DOT1L: variants seen among roughly 807,000 people sequenced by gnomAD.
The protein encoded by DOT1L is histone-lysine N-methyltransferase, H3 lysine-79 specific.
DOT1L carries 33 observed loss-of-function variants against 153.3 expected under a neutral mutation model. The observed-to-expected ratio is 0.22, with a 90% CI of 0.16 to 0.29. DOT1L has a LOEUF of 0.29. Among genes scored for constraint, DOT1L ranks in the 10% least tolerant of loss-of-function variants. The probability of loss-of-function intolerance (pLI) is 1.00; values close to 1 mark genes in which losing one functional copy is unlikely to be tolerated. For missense variants in DOT1L, 1,847 were observed against 2,119.9 expected (o/e 0.87, Z 2.53); for synonymous variants, 1,135 against 965.1 (o/e 1.18, Z -3.26).
chr19:2,220,473 A>G lies in DOT1L; in HGVS notation c.2806+251A>G. 1.6e-6 allele frequency: 1 copy of G among 608,074 alleles called. No homozygotes were observed. Among genetic ancestry groups the G allele is most frequent in the East Asian group, 3.4e-5 (1 of 29,460 alleles). 37.7% of individuals were successfully genotyped at this position (608,074 alleles called of 1,614,324 possible). On this transcript the variant is annotated intron_variant, in intron 23 of 27. Transcript: ENST00000398665. The surrounding 1 kb of genome is among the most constrained non-coding windows in gnomAD (Gnocchi z 4.5). ...ACACTGACACCTCCTGCTTGGGTGT[A>G]TTAATTCAGCCCGTGAGGTCGGCCC...
At chr19:2,177,277 G>A (rs2021990944) in intron 1 of DOT1L, among the ~76,000 whole-genome samples, 1 of 152,132 alleles carries the variant, frequency 6.6e-6, no homozygotes, top group African/African-American at 2.4e-5. Flanking sequence ...CCCCACACAC[G>A]CAGTCAAATC....
At chr19:2,194,887 G>C (rs910349922) in intron 7 of DOT1L, among the ~76,000 whole-genome samples, 11 of 152,202 alleles carry the variant, frequency 7.2e-5, no homozygotes, top group Admixed American at 7.2e-4. Context: ...GGACAGGCTG[G>C]GTTCTGGGCT....
chr19:2,179,073 T>TGG (rs113826556), intron 1 of DOT1L, among the ~76,000 whole-genome samples: 3 of 150,070 alleles, frequency 2.0e-5, no homozygotes, highest in Admixed American at 6.6e-5. Context: ...TAAGGAAAGC[T>TGG]GGGGGGGGGT....
At chr19:2,177,561 C>T (rs368507146) in intron 1 of DOT1L, among the ~76,000 whole-genome samples, 1 of 152,040 alleles carries the variant, frequency 6.6e-6, no homozygotes, top group South Asian at 2.1e-4. Flanking sequence ...TATTAGTATT[C>T]GCCACGTTGG....
intron 1 of DOT1L, among the ~76,000 whole-genome samples, chr19:2,170,489 C>T (rs766400930): frequency 6.6e-6 from 1 of 152,130 alleles, no homozygotes; most frequent in African/African-American, 2.4e-5. Flanking sequence ...GAACCAGATA[C>T]GGGTACCCGG....
rs984299775 is a variant in DOT1L at position 2,207,290 on chromosome 19, C to T, written c.857-284C>T. Among the ~76,000 whole-genome samples the T allele has an allele frequency of 2.0e-5, 3 of 152,182 alleles. No homozygotes were observed. The highest frequency in any genetic ancestry group is 2.9e-5 in the Non-Finnish European group (2 of 68,020). Reference sequence around the variant, plus strand: ...GCTGGATGCTGGCCGTTCTTGCAGCCGTGATCTAAGTCGCTTCCAGATCTT... The same window carrying T: ...GCTGGATGCTGGCCGTTCTTGCAGCTGTGATCTAAGTCGCTTCCAGATCTT... On this transcript the variant is annotated intron_variant, in intron 10 of 27. Transcript: ENST00000398665. The surrounding 1 kb of genome is among the most constrained non-coding windows in gnomAD (Gnocchi z 4.5).
chr19:2,167,250 T>C (rs2019958018), intron 1 of DOT1L, among the ~76,000 whole-genome samples: 1 of 152,204 alleles, frequency 6.6e-6, no homozygotes, highest in Non-Finnish European at 1.5e-5. Context: ...CTGTTTAACA[T>C]CTGCATCCCA....
intron 1 of DOT1L, among the ~76,000 whole-genome samples, chr19:2,178,521 C>A (rs1371546833): frequency 1.3e-5 from 2 of 151,550 alleles, no homozygotes; most frequent in Admixed American, 1.3e-4. Context: ...GGGTTCACGC[C>A]ATTCTCCTGC....
chr19:2,166,861 C>T (rs1022512101), intron 1 of DOT1L, among the ~76,000 whole-genome samples: 1 of 152,204 alleles, frequency 6.6e-6, no homozygotes, highest in Non-Finnish European at 1.5e-5. Context: ...TTCCCTGCGG[C>T]GCCCCCATCC....
At position 2,223,301 on chromosome 19, in the gene DOT1L, C is replaced by A. The variant is rs747814338; in HGVS notation, c.3411C>A (p.Pro1137=). 1.2e-6 allele frequency: 2 copies of A among 1,613,594 alleles called. No homozygotes were observed. The highest frequency in any genetic ancestry group is 2.2e-5 in the South Asian group (2 of 91,052). Residue 1137 remains proline, a synonymous_variant, in exon 25 of 28, where the codon CCC becomes CCA. Coordinates refer to ENST00000398665, the MANE Select transcript of DOT1L (RefSeq NM_032482.3). ...CTCAGGTCAGTAACATCAACCAGCC[C>A]CTGGAGATTACAGCCATCTCGTCCC... The part of the protein sequence containing the change: ...LNSMVSNINQ[P]LEITAISSPE...
rs964754910 is a variant in DOT1L, at chr19:2,197,402, G to A, written c.652-2482G>A. 2.6e-5 allele frequency among the ~76,000 whole-genome samples: 4 copies of A among 152,228 alleles called. No individual in the cohort carries two copies. The highest frequency in any genetic ancestry group is 4.8e-5 in the African/African-American group (2 of 41,456). ...ATGGAAGCCCTCGCCATGGTTCCCA[G>A]CGATGGCCAGGAGGGCGCCATGGTG... is the stretch of plus-strand genomic sequence containing the variant. On this transcript the variant is annotated intron_variant, in intron 7 of 27. Transcript: ENST00000398665. This position sits in a 1 kb window ranked among gnomAD's most constrained non-coding sequence, Gnocchi z 4.1.
intron 7 of DOT1L, among the ~76,000 whole-genome samples, chr19:2,199,037 T>C (rs2023137486): frequency 6.6e-6 from 1 of 152,264 alleles, no homozygotes; most frequent in Non-Finnish European, 1.5e-5. Context: ...TGTCCGGGCT[T>C]TTGTGTGGAC....
Position 2,231,900 on chromosome 19 carries a change from G to A in DOT1L, c.*2108G>A. 4.6e-6 allele frequency: 1 copy of A among 219,666 alleles called. No individual in the cohort carries two copies. The highest frequency in any genetic ancestry group is 5.8e-5 in the Admixed American group (1 of 17,292). The allele number at this position is 219,666 out of a possible 1,614,324, so 13.6% of individuals were successfully genotyped here. A position where few individuals can be genotyped will look rare whatever the true frequency, so the allele number is the denominator to read the frequency against. On this transcript the variant is annotated 3_prime_UTR_variant, in exon 28 of 28. Transcript: ENST00000398665. ...TTCAGGACACGCACTGGGTCTCAGA[G>A]CCACTGGCCCAGGCAGAAGTCTCCT...
At chr19:2,165,730 G>A (rs998212133) in intron 1 of DOT1L, among the ~76,000 whole-genome samples, 2 of 152,192 alleles carry the variant, frequency 1.3e-5, no homozygotes, top group Middle Eastern at 3.4e-3. Flanking sequence ...AATTGAGGTG[G>A]CTTACCACCG....
At position 2,191,008 on chromosome 19, in the gene DOT1L, G is replaced by A. The variant is rs377682303; in HGVS notation, c.265-4G>A. On this transcript the variant is annotated splice_region_variant and splice_polypyrimidine_tract_variant and intron_variant, in intron 4 of 27. Transcript: ENST00000398665. The surrounding 1 kb of genome is among the most constrained non-coding windows in gnomAD (Gnocchi z 6.8). ...GACATGGCCGGGCCACCCTCCGTCC[G>A]CAGTGGAAGGGCACCACGCAGCCCA... The A allele has an allele frequency of 1.5e-4, 241 of 1,593,174 alleles. No homozygotes were observed. In the African/African-American group the frequency reaches 2.2e-3, roughly 15 times the overall value.
chr19:2,172,932 G>A (rs949752148), intron 1 of DOT1L, among the ~76,000 whole-genome samples: 3 of 151,272 alleles, frequency 2.0e-5, no homozygotes, highest in Admixed American at 1.3e-4. Context: ...AGCTGAGATC[G>A]TGCCACTGCA....
rs762422597 is a variant in DOT1L, at chr19:2,191,545, C to G, written c.493+305C>G. ...AGCTGGGGAGCTAGACCTGTGCACC[C>G]TCTACTGCTCGCTCCCAGAAGCTGC... is the stretch of plus-strand genomic sequence containing the variant. On this transcript the variant is annotated intron_variant, in intron 5 of 27. Transcript: ENST00000398665. This position sits in a 1 kb window ranked among gnomAD's most constrained non-coding sequence, Gnocchi z 6.8. Among the ~76,000 whole-genome samples the G allele has an allele frequency of 6.6e-6, 1 of 152,062 alleles. No homozygotes were observed. Among genetic ancestry groups the G allele is most frequent in the Admixed American group, 6.6e-5 (1 of 15,252 alleles).
intron 13 of DOT1L, 39 bp downstream of exon 13, chr19:2,210,549 C>A: frequency 6.3e-7 from 1 of 1,588,726 alleles, no homozygotes; most frequent in South Asian, 1.1e-5. Context: ...GGAGGGCACC[C>A]GCCCCCTGCC....
chr19:2,228,113 T>C (rs779922448), intron 27 of DOT1L: 2 of 1,359,790 alleles, frequency 1.5e-6, no homozygotes, highest in East Asian at 9.2e-5. Flanking sequence ...CCCCCACCTC[T>C]GCTGCCTCTC....
Sources: allele counts gnomAD v4.1 joint callset (sites outside exome capture counted in the v4.1 genomes callset), GRCh38; gene constraint gnomAD v4.1.1; non-coding constraint Gnocchi (gnomAD v3.1); transcripts MANE v1.5; gene names NCBI Gene and HGNC (gene_info 2026-07-23, HGNC 2026-07-21).